The following CEP95 variants were observed in gnomAD, a reference collection of about 807,000 sequenced individuals.
CEP95 encodes the protein centrosomal protein of 95 kDa.
Under a neutral mutation model 111.2 loss-of-function variants are expected in CEP95, and 98 were observed. The ratio of observed to expected loss-of-function variants is 0.88; its 90% CI spans 0.75 to 1.04. The LOEUF is 1.04. Ranked by LOEUF, CEP95 falls within the 50% of genes least tolerant of loss-of-function variation. The pLI, the probability that CEP95 is intolerant of heterozygous loss-of-function variation, is 0.00. For missense variants in CEP95, 1,027 were observed against 977.2 expected (o/e 1.05, Z -0.68); for synonymous variants, 323 against 327.1 (o/e 0.99, Z 0.14).
rs1435555815 is a variant in CEP95 at position 64,525,843 on chromosome 17, T to TC, written c.985dup (p.Gln329ProfsTer4). On this transcript the variant is annotated frameshift_variant, in exon 9 of 20. Transcript: ENST00000556440. LOFTEE classifies it high-confidence loss of function. The stretch of plus-strand genomic sequence containing the variant: ...AAATGGGAAGTATATCCAGCTCAGG[T>TC]CCAAGGGCCTAGGACAAGGAAGCCT... 4 of 1,594,620 alleles carry TC rather than the reference T, an allele frequency of 2.5e-6. No individual in the cohort carries two copies. The highest frequency in any genetic ancestry group is 3.4e-6 in the Non-Finnish European group (4 of 1,174,692).
intron 11 of CEP95, 22 bp from the exon 12 acceptor site, chr17:64,529,266 A>T (rs782126849): frequency 1.3e-5 from 21 of 1,598,798 alleles, no homozygotes; most frequent in Non-Finnish European, 1.8e-5. Flanking sequence ...AACTAATGTT[A>T]TATGTCTTTT....
rs191522255 is a variant in CEP95, at chr17:64,514,539, T to C, written c.367+181T>C. The C allele has an allele frequency of 4.4e-3, 1,953 of 442,216 alleles. 88 individuals are homozygous for C. In the Admixed American group the frequency reaches 0.064, roughly 15 times the overall value. The allele number at this position is 442,216 out of a possible 1,614,324, so 27.4% of individuals were successfully genotyped here. On this transcript the variant is annotated intron_variant, in intron 4 of 19. Coordinates refer to ENST00000556440, the MANE Select transcript of CEP95 (RefSeq NM_138363.3). ...GCTGGTTGGAAACTGTCTTAGACTG[T>C]CATCATGTTCTTTATCAACTTGGAT...
chr17:64,536,462 A>G, intron 17 of CEP95, 140 bp from the exon 18 acceptor site: 4 of 567,788 alleles, frequency 7.0e-6, no homozygotes, highest in Non-Finnish European at 1.2e-5. Flanking sequence ...AAAAGGAGGT[A>G]CATTTTATGG....
intron 2 of CEP95, among the ~76,000 whole-genome samples, chr17:64,509,915 A>T (rs1368329657): frequency 1.3e-5 from 2 of 152,114 alleles, no homozygotes; most frequent in East Asian, 3.9e-4. Context: ...CTATATATAT[A>T]TATATGGTGT....
intron 14 of CEP95, 110 bp from the exon 15 acceptor site, chr17:64,532,729 C>CT: frequency 2.7e-6 from 4 of 1,465,202 alleles, no homozygotes; most frequent in Non-Finnish European, 3.6e-6. Flanking sequence ...TAGAATTGTT[C>CT]TTTTCAGGAT....
Position 64,506,987 on chromosome 17 carries a change from C to A in CEP95, c.-111C>A. 1 of 1,272,696 alleles carries A rather than the reference C, an allele frequency of 7.9e-7. No individual in the cohort carries two copies. Among genetic ancestry groups the A allele is most frequent in the South Asian group, 1.3e-5 (1 of 78,482 alleles). The allele number at this position is 1,272,696 out of a possible 1,614,324, so 78.8% of individuals were successfully genotyped here. ...CTTCTTTCACGCCTCCTTCCCCGCG[C>A]TTTGGTTCGTGCGTCCGCGCCCCAG... On this transcript the variant is annotated 5_prime_UTR_variant, in exon 1 of 20. Coordinates refer to ENST00000556440, the MANE Select transcript of CEP95 (RefSeq NM_138363.3).
At chr17:64,522,641 A>T in intron 7 of CEP95, 61 bp from the exon 8 acceptor site, 1 of 1,127,328 alleles carries the variant, frequency 8.9e-7, no homozygotes, top group Non-Finnish European at 1.3e-6. Flanking sequence ...GTATGTATGT[A>T]TATAAAATGG....
chr17:64,517,557 A>AC (rs1966964894), intron 5 of CEP95, among the ~76,000 whole-genome samples: 1 of 151,914 alleles, frequency 6.6e-6, no homozygotes. Context: ...TGCTTTTTTA[A>AC]TAAAGAGACA....
intron 11 of CEP95, among the ~76,000 whole-genome samples, chr17:64,527,801 TCCATTTCCCCTACTGCTGGAC>T (rs1967942446): frequency 6.6e-6 from 1 of 151,584 alleles, no homozygotes; most frequent in African/African-American, 2.4e-5. Flanking sequence ...TATAGCAGTA[TCCATTTCCCCTACTGCTGGAC>T]ATGACTGAGT....
intron 11 of CEP95, among the ~76,000 whole-genome samples, chr17:64,528,690 CT>C (rs1555679650): frequency 3.3e-5 from 5 of 152,334 alleles, no homozygotes; most frequent in Admixed American, 3.3e-4. Flanking sequence ...TGTTGAAGTG[CT>C]TTTCCCACTG....
intron 7 of CEP95, among the ~76,000 whole-genome samples, chr17:64,521,818 A>G (rs1967361650): frequency 1.3e-5 from 2 of 151,704 alleles, no homozygotes; most frequent in African/African-American, 2.4e-5. Context: ...TGGTCTTCAT[A>G]TTATTGGTAA....
At chr17:64,507,405 T>A in intron 1 of CEP95, 1 of 1,371,728 alleles carries the variant, frequency 7.3e-7, no homozygotes, top group Non-Finnish European at 9.4e-7. Flanking sequence ...GTCCCCGGAC[T>A]TGTCTTTCTG....
At chr17:64,523,090 C>T (rs1194491346) in intron 8 of CEP95, among the ~76,000 whole-genome samples, 195 bp downstream of exon 8, 1 of 152,166 alleles carries the variant, frequency 6.6e-6, no homozygotes, top group African/African-American at 2.4e-5. Context: ...AAGCATCGTA[C>T]TCCTTAAAAT....
chr17:64,516,804 C>A lies in CEP95; in HGVS notation c.449C>A (p.Ser150Ter). The A allele has an allele frequency of 6.2e-7, 1 of 1,607,136 alleles. No individual in the cohort carries two copies. Among genetic ancestry groups the A allele is most frequent in the Non-Finnish European group, 8.5e-7 (1 of 1,174,044 alleles). Residue 150 changes from serine (S) to a stop codon, truncating the protein, a stop_gained, in exon 5 of 20, where the codon TCA (serine) becomes TAA (stop). Coordinates refer to ENST00000556440, the MANE Select transcript of CEP95 (RefSeq NM_138363.3). LOFTEE classifies it high-confidence loss of function. ...EPESTKESKS[S>*]WKRVSFGRCS... is the part of the protein sequence containing the mutation. ...GAAAGTACTAAAGAATCTAAATCAT[C>A]ATGGAAAAGAGTTTCTTTTGGGAGG...
intron 1 of CEP95, chr17:64,508,350 G>A (rs1555673615): frequency 3.0e-6 from 3 of 985,084 alleles, no homozygotes; most frequent in African/African-American, 1.7e-5. Context: ...AATTGAATTT[G>A]CAGTATAGTT....
At chr17:64,536,504 TA>T (rs372597389) in intron 17 of CEP95, 97 bp from the exon 18 acceptor site, 22,279 of 630,840 alleles carry the variant, frequency 0.035, no homozygotes, top group South Asian at 0.047. Context: ...AACTAGTATT[TA>T]AAAAAAAAAA....
chr17:64,510,442 A>G (rs1207012156), intron 3 of CEP95, among the ~76,000 whole-genome samples, 162 bp downstream of exon 3: 3 of 152,260 alleles, frequency 2.0e-5, no homozygotes, highest in African/African-American at 4.8e-5. Flanking sequence ...TCCATACATG[A>G]GAACTTTTCC....
upstream of CEP95, chr17:64,506,965 C>T (rs1016486609): frequency 9.2e-5 from 90 of 981,558 alleles, no homozygotes; most frequent in South Asian, 1.2e-3. Flanking sequence ...GTCCGTCCTT[C>T]TTTCACGCCT....
chr17:64,507,114 C>T lies in CEP95; in HGVS notation c.17C>T (p.Ala6Val). The T allele has an allele frequency of 6.4e-7, 1 of 1,551,452 alleles. No individual in the cohort carries two copies. Residue 6 changes from alanine to valine, a missense_variant and splice_region_variant, in exon 1 of 20, where the codon GCT (alanine) becomes GTT (valine). Coordinates refer to ENST00000556440, the MANE Select transcript of CEP95 (RefSeq NM_138363.3). MAGSDAEWVTIANNLL... is the reference protein window; with the variant it reads MAGSDVEWVTIANNLL... ...CTCTGAAACATGGCAGGCTCGGATGCTGGTGAGTGTCTCCCTGGGGTCCCA... is the reference window on the plus strand; with the variant it reads ...CTCTGAAACATGGCAGGCTCGGATGTTGGTGAGTGTCTCCCTGGGGTCCCA...
Sources: allele counts gnomAD v4.1 joint callset (sites outside exome capture counted in the v4.1 genomes callset), GRCh38; gene constraint gnomAD v4.1.1; transcripts MANE v1.5; gene names NCBI Gene and HGNC (gene_info 2026-07-23, HGNC 2026-07-21).